ZRANB1: variants seen among roughly 807,000 people sequenced by gnomAD.
ZRANB1 encodes the protein zinc finger RANBP2-type containing 1.
ZRANB1 carries 16 observed loss-of-function variants against 80.5 expected under a neutral mutation model. The observed-to-expected ratio is 0.20, with a 90% confidence interval of 0.13 to 0.30. ZRANB1 has a LOEUF of 0.30. Ranked by LOEUF, ZRANB1 falls within the 10% of genes least tolerant of loss-of-function variation. The probability of loss-of-function intolerance (pLI) is 1.00; values close to 1 mark genes in which losing one functional copy is unlikely to be tolerated. For synonymous variants in ZRANB1, 291 were observed against 293.1 expected, an observed-to-expected ratio of 0.99 and a Z score of 0.07; for missense variants, 576 against 862.6, an observed-to-expected ratio of 0.67 and a Z score of 4.16.
intron 2 of ZRANB1, 91 bp from the exon 3 acceptor site, chr10:124,971,874 G>A: frequency 7.9e-7 from 1 of 1,259,664 alleles, no homozygotes; most frequent in Non-Finnish European, 1.1e-6. Flanking sequence ...TTGAGTTATT[G>A]GGAAATTTTG....
intron 5 of ZRANB1, 50 bp from the exon 6 acceptor site, chr10:124,981,659 T>C (rs1951935058): frequency 6.8e-7 from 1 of 1,476,256 alleles, no homozygotes; most frequent in Non-Finnish European, 9.1e-7. Context: ...TTTAAATGTT[T>C]TATTTATAGA....
chr10:124,922,517 G>C, the ZRANB1 span, among the ~76,000 whole-genome samples: 1 of 146,636 alleles, frequency 6.8e-6, no homozygotes, highest in Non-Finnish European at 1.5e-5. Context: ...TTTTAAGATG[G>C]AGTCTCTCCC....
chr10:124,945,830 A>T (rs554625889), intron 1 of ZRANB1: 21 of 152,298 alleles, frequency 1.4e-4, no homozygotes, highest in African/African-American at 4.8e-4. Flanking sequence ...CAGGGTCGCG[A>T]GGCTGGAGTG....
upstream of ZRANB1, among the ~76,000 whole-genome samples, chr10:124,941,784 C>G (rs541431373): frequency 6.6e-6 from 1 of 152,256 alleles, no homozygotes; most frequent in Non-Finnish European, 1.5e-5. Flanking sequence ...TTCCCCAGTA[C>G]AGTCTTCTTT....
At chr10:124,949,428 T>A (rs1448216910) in intron 1 of ZRANB1, among the ~76,000 whole-genome samples, 1 of 136,302 alleles carries the variant, frequency 7.3e-6, no homozygotes, top group Non-Finnish European at 1.6e-5. Context: ...TATATGTATA[T>A]ATATATGTTT....
At chr10:124,951,880 C>T (rs1951641574) in intron 1 of ZRANB1, among the ~76,000 whole-genome samples, 1 of 152,000 alleles carries the variant, frequency 6.6e-6, no homozygotes, top group Admixed American at 6.6e-5. Flanking sequence ...TCTCTTGGAC[C>T]TGGGAGGCGG....
chr10:124,925,011 G>T, the ZRANB1 span, among the ~76,000 whole-genome samples: 1 of 151,790 alleles, frequency 6.6e-6, no homozygotes, highest in Admixed American at 6.6e-5. Flanking sequence ...GGGTTCAGGC[G>T]ATTCTCATGT....
intron 1 of ZRANB1, among the ~76,000 whole-genome samples, chr10:124,958,705 T>A (rs904505181): frequency 3.9e-5 from 6 of 152,238 alleles, no homozygotes; most frequent in African/African-American, 1.4e-4. Flanking sequence ...AGCAACAGTT[T>A]GGGAGTCCCT....
intron 1 of ZRANB1, among the ~76,000 whole-genome samples, chr10:124,957,465 T>TA (rs1404813462): frequency 1.3e-5 from 2 of 152,158 alleles, no homozygotes; most frequent in Non-Finnish European, 2.9e-5. Flanking sequence ...TAGCATTGGG[T>TA]ACATTCTTAT....
intron 1 of ZRANB1, chr10:124,945,611 C>T (rs770691942): frequency 3.9e-5 from 6 of 152,016 alleles, no homozygotes; most frequent in Non-Finnish European, 5.9e-5. Context: ...TTTCAACCCC[C>T]GGTTGCTTCA....
At chr10:124,984,508 T>A (rs993144702) in intron 8 of ZRANB1, 1 of 413,964 alleles carries the variant, frequency 2.4e-6, no homozygotes, top group Admixed American at 4.0e-5. Flanking sequence ...AGGACATTTG[T>A]TTTTTATTTT....
the ZRANB1 span, among the ~76,000 whole-genome samples, chr10:124,933,764 C>T: frequency 1.3e-5 from 2 of 152,178 alleles, 1 homozygote; most frequent in African/African-American, 4.8e-5. Flanking sequence ...TGTAAAGGAA[C>T]TATGCTCTAA....
At chr10:124,982,192 A>G (rs1003936139) in intron 6 of ZRANB1, among the ~76,000 whole-genome samples, 2 of 152,190 alleles carry the variant, frequency 1.3e-5, no homozygotes, top group Non-Finnish European at 2.9e-5. Flanking sequence ...CTTGATGCCT[A>G]TGGTACCTAT....
chr10:124,925,484 G>A, the ZRANB1 span, among the ~76,000 whole-genome samples: 1 of 152,030 alleles, frequency 6.6e-6, no homozygotes, highest in East Asian at 1.9e-4. Flanking sequence ...AGTTCTTTAT[G>A]TATTCTGGAT....
intron 1 of ZRANB1, among the ~76,000 whole-genome samples, chr10:124,951,609 A>G (rs898799617): frequency 6.6e-6 from 1 of 152,154 alleles, no homozygotes; most frequent in African/African-American, 2.4e-5. Flanking sequence ...TTTCTTTCAC[A>G]AGGATATTTT....
chr10:124,983,497 T>G lies in ZRANB1; in HGVS notation c.1717T>G (p.Trp573Gly). Residue 573 changes from tryptophan to glycine, a missense_variant, in exon 8 of 9, where the codon TGG becomes GGG. Coordinates refer to ENST00000359653, the MANE Select transcript of ZRANB1 (RefSeq NM_017580.3). The surrounding 1 kb of genome is among the most constrained non-coding windows in gnomAD (Gnocchi z 6.2). Reference sequence around the variant, plus strand: ...TTTGTTGTGGGAACAGAGTTTTTGTTGGAAAAGTCCGATTGCTCTGGGTTA... The same window carrying G: ...TTTGTTGTGGGAACAGAGTTTTTGTGGGAAAAGTCCGATTGCTCTGGGTTA... ...LPLLWEQSFC[W>G]KSPIALGYTR... 5.6e-6 allele frequency: 9 copies of G among 1,612,970 alleles called. No individual in the cohort carries two copies. Among genetic ancestry groups the G allele is most frequent in the Non-Finnish European group, 7.6e-6 (9 of 1,178,994 alleles).
chr10:124,940,635 G>A (rs7074163), upstream of ZRANB1: 714,749 of 831,000 alleles, frequency 0.86, 310,689 homozygotes, highest in East Asian at 0.95. Flanking sequence ...CACTATAAAT[G>A]GTGTATGGAC....
At chr10:124,980,800 G>A (rs1951925185) in intron 5 of ZRANB1, among the ~76,000 whole-genome samples, 1 of 152,072 alleles carries the variant, frequency 6.6e-6, no homozygotes, top group Non-Finnish European at 1.5e-5. Flanking sequence ...AATATAGCCG[G>A]GGTCTCACTA....
chr10:124,936,143 G>A, the ZRANB1 span, among the ~76,000 whole-genome samples: 2 of 152,064 alleles, frequency 1.3e-5, no homozygotes, highest in Admixed American at 6.6e-5. Context: ...TGCATGAGTC[G>A]GGCGTGTGTG....
Sources: allele counts gnomAD v4.1 joint callset (sites outside exome capture counted in the v4.1 genomes callset), GRCh38; gene constraint gnomAD v4.1.1; non-coding constraint Gnocchi (gnomAD v3.1); transcripts MANE v1.5; gene names NCBI Gene and HGNC (gene_info 2026-07-23, HGNC 2026-07-21).